GATB: variants seen among roughly 807,000 people sequenced by gnomAD.
The protein encoded by GATB is glutamyl-tRNA(Gln) amidotransferase subunit B, mitochondrial.
GATB carries 39 observed loss-of-function variants against 62.3 expected under a neutral mutation model. That is an observed-to-expected ratio of 0.63 (90% CI 0.48 to 0.82). The LOEUF (loss-of-function observed/expected upper bound fraction) is 0.82, where lower values mean the gene tolerates loss of function less well. Among genes scored for constraint, GATB ranks in the 40% least tolerant of loss-of-function variants. The pLI is 0.00. For missense variants in GATB, 670 were observed against 684.0 expected (o/e 0.98, Z 0.23); for synonymous variants, 276 against 258.9 (o/e 1.07, Z -0.63).
chr4:151,738,036 T>C (rs776985911), intron 2 of GATB, among the ~76,000 whole-genome samples: 9 of 152,190 alleles, frequency 5.9e-5, no homozygotes, highest in South Asian at 2.1e-4. Flanking sequence ...GAGTCCCTAC[T>C]GGGGTACCAC....
intron 10 of GATB, among the ~76,000 whole-genome samples, chr4:151,681,293 G>A (rs1386916539): frequency 2.0e-5 from 3 of 152,188 alleles, no homozygotes; most frequent in Non-Finnish European, 4.4e-5. Context: ...CATCCTGTAA[G>A]TGTCTGTTTA....
chr4:151,705,167 T>A lies in GATB; in HGVS notation c.962+18A>T. The A allele has an allele frequency of 6.3e-7, 1 of 1,586,354 alleles. No homozygotes were observed. Among genetic ancestry groups the A allele is most frequent in the Non-Finnish European group, 8.7e-7 (1 of 1,154,962 alleles). ...CCACCCCCGGCTGTGGTCAGGACGC[T>A]CAGCAATGCGAACTCACCCCAGCTT... On this transcript the variant is annotated intron_variant, in intron 7 of 12. Transcript: ENST00000263985.
chr4:151,706,261 C>G (rs1738713137), intron 6 of GATB, among the ~76,000 whole-genome samples: 1 of 152,218 alleles, frequency 6.6e-6, no homozygotes, highest in Non-Finnish European at 1.5e-5. Context: ...CTGAGTCAGA[C>G]CACAGGGAGA....
chr4:151,757,688 A>G lies in GATB; in HGVS notation c.327+1084T>C, dbSNP rs546523753. Among the ~76,000 whole-genome samples, 27 of 152,230 alleles carry G rather than the reference A, an allele frequency of 1.8e-4. 1 individual carries two copies. The highest frequency in any genetic ancestry group is 1.9e-4 in the Non-Finnish European group (13 of 68,010). ...GAGATGGGGTTTCACCGTGTTAGCC[A>G]GGATGGTCTCGATCTCCTGACCTTG... On this transcript the variant is annotated intron_variant, in intron 2 of 12. Coordinates refer to ENST00000263985, the MANE Select transcript of GATB (RefSeq NM_004564.3).
At chr4:151,686,355 T>C (rs1036830079) in intron 10 of GATB, among the ~76,000 whole-genome samples, 2 of 152,156 alleles carry the variant, frequency 1.3e-5, no homozygotes, top group African/African-American at 4.8e-5. Flanking sequence ...TGTGCATCCA[T>C]ATCCAGTGGC....
chr4:151,673,018 T>C (rs1737908201), intron 11 of GATB, 122 bp from the exon 12 acceptor site: 5 of 1,234,866 alleles, frequency 4.0e-6, no homozygotes, highest in Non-Finnish European at 5.6e-6. Context: ...AAGTCCCCAC[T>C]GCCTGGGCCT....
Position 151,671,194 on chromosome 4 carries a change from C to G in GATB, c.1654G>C (p.Glu552Gln). ...ACATCTCACAATGACAGCTTCTTCT[C>G]CAGGATCTCCTTTATCATGACTGGA... ...ADPVMIKEIL[E>Q]KKLSL Residue 552 changes from glutamate to glutamine, a missense_variant, in exon 13 of 13, where the codon GAG becomes CAG. Physicochemically the swap from Glu to Gln is conservative, Grantham distance 29. Coordinates refer to ENST00000263985, the MANE Select transcript of GATB (RefSeq NM_004564.3). 1 of 1,614,182 alleles carries G rather than the reference C, an allele frequency of 6.2e-7. No individual in the cohort carries two copies. Among genetic ancestry groups the G allele is most frequent in the South Asian group, 1.1e-5 (1 of 91,074 alleles).
chr4:151,731,444 T>A (rs1310906224), intron 2 of GATB, among the ~76,000 whole-genome samples: 1 of 152,178 alleles, frequency 6.6e-6, no homozygotes, highest in African/African-American at 2.4e-5. Context: ...TGGAGTGCAG[T>A]GGCGTGATCT....
At chr4:151,717,275 C>A (rs762961241) in intron 3 of GATB, 43 of 578,344 alleles carry the variant, frequency 7.4e-5, no homozygotes, top group Non-Finnish European at 1.3e-4. Context: ...TGCCATCACC[C>A]CTTCACCCTC....
In GATB at chr4:151,760,786, G is replaced by A; in HGVS notation, c.176+21C>T. On this transcript the variant is annotated intron_variant, in intron 1 of 12. Coordinates refer to ENST00000263985, the MANE Select transcript of GATB (RefSeq NM_004564.3). ...GTTCCACCTCACAGTTAGGTGGGCA[G>A]AAATGTATGAAACAGAATACCCTTT... The A allele has an allele frequency of 3.2e-6, 5 of 1,562,654 alleles. No individual in the cohort carries two copies. In the South Asian group the frequency reaches 3.6e-5, roughly 11 times the overall value.
intron 8 of GATB, among the ~76,000 whole-genome samples, chr4:151,702,976 G>T (rs796592447): frequency 1.7e-4 from 26 of 152,322 alleles, no homozygotes; most frequent in African/African-American, 6.3e-4. Context: ...TCATGCTGAA[G>T]CCACGGGCGG....
chr4:151,757,756 C>T (rs1470426827), intron 2 of GATB, among the ~76,000 whole-genome samples: 3 of 152,096 alleles, frequency 2.0e-5, no homozygotes, highest in East Asian at 3.9e-4. Context: ...GGATTACAGG[C>T]GTGAGCCACC....
At chr4:151,723,648 G>T (rs1046035434) in intron 2 of GATB, 1 of 152,190 alleles carries the variant, frequency 6.6e-6, no homozygotes, top group African/African-American at 2.4e-5. Flanking sequence ...TGTTCTTTCA[G>T]TGCAGTCTCT....
chr4:151,733,796 T>C (rs1466690350), intron 2 of GATB, among the ~76,000 whole-genome samples: 1 of 152,172 alleles, frequency 6.6e-6, no homozygotes, highest in Non-Finnish European at 1.5e-5. Flanking sequence ...TGGTTTAACA[T>C]ATGCAATTCA....
At chr4:151,672,942 C>A in intron 11 of GATB, 46 bp from the exon 12 acceptor site, 1 of 1,605,006 alleles carries the variant, frequency 6.2e-7, no homozygotes, top group Non-Finnish European at 8.5e-7. Context: ...GAAGTCAGCT[C>A]TTCTGCCAGC....
Position 151,741,296 on chromosome 4 carries a change from C to T in GATB, c.327+17476G>A, listed in dbSNP as rs151211449. Among the ~76,000 whole-genome samples, 38 of 152,280 alleles carry T rather than the reference C, an allele frequency of 2.5e-4. No individual in the cohort carries two copies. In the East Asian group the frequency reaches 7.3e-3, roughly 29 times the overall value. ...CCTGTACTGAGGGTAACTGAAACTA[C>T]ACAAAGGGAAACTACAGATAAGGGA... is the stretch of plus-strand genomic sequence containing the variant. On this transcript the variant is annotated intron_variant, in intron 2 of 12. Coordinates refer to ENST00000263985, the MANE Select transcript of GATB (RefSeq NM_004564.3).
rs1326030271 is a variant in GATB, at chr4:151,680,381, A to C, written c.1332-490T>G. On this transcript the variant is annotated intron_variant, in intron 10 of 12. Transcript: ENST00000263985. ...AGATTTTCTGCAAGGGAACACAATGACTACCAGCCACATTTTCATCCATCC... is the reference window on the plus strand; with the variant it reads ...AGATTTTCTGCAAGGGAACACAATGCCTACCAGCCACATTTTCATCCATCC... Among the ~76,000 whole-genome samples, 3 of 152,140 alleles carry C rather than the reference A, an allele frequency of 2.0e-5. No individual in the cohort carries two copies. In the East Asian group the frequency reaches 5.8e-4, roughly 29 times the overall value.
At chr4:151,717,291 A>C in intron 3 of GATB, 6 of 556,612 alleles carry the variant, frequency 1.1e-5, no homozygotes, top group East Asian at 3.1e-5. Flanking sequence ...CCCTCCCCAA[A>C]TCCTCCACCC....
intron 12 of GATB, among the ~76,000 whole-genome samples, chr4:151,672,053 C>T (rs1369488007): frequency 2.6e-5 from 4 of 152,166 alleles, no homozygotes; most frequent in South Asian, 4.1e-4. Context: ...TTTTCCTTAT[C>T]GAGAGCTCTT....
Sources: gnomAD v4.1 joint callset for allele counts (sites outside exome capture counted in the v4.1 genomes callset) on GRCh38, gnomAD v4.1.1 for gene constraint, MANE v1.5 for transcripts, NCBI Gene and HGNC (gene_info 2026-07-23, HGNC 2026-07-21) for gene names.